GALNT11: variants seen among roughly 807,000 people sequenced by gnomAD.
The protein encoded by GALNT11 is polypeptide N-acetylgalactosaminyltransferase 11, also known as UDP-GalNAc:polypeptide N-acetylgalactosaminyltransferase 11.
Under a neutral mutation model 72.7 loss-of-function variants are expected in GALNT11, and 47 were observed. The ratio of observed to expected loss-of-function variants is 0.65; its 90% CI spans 0.51 to 0.82. GALNT11 has a LOEUF of 0.82. GALNT11 is among the 40% of genes least tolerant of loss of function. GALNT11 has a pLI of 0.00. For missense variants in GALNT11, 677 were observed against 778.4 expected, an observed-to-expected ratio of 0.87 and a Z score of 1.55; for synonymous variants, 270 against 286.6, an observed-to-expected ratio of 0.94 and a Z score of 0.58.
chr7:152,103,026 G>A (rs1587381006), intron 3 of GALNT11, 86 bp from the exon 4 acceptor site: 1 of 1,256,384 alleles, frequency 8.0e-7, no homozygotes, highest in Non-Finnish European at 1.1e-6. Context: ...GGGTGAACAA[G>A]GGGACAGTAA....
chr7:152,057,709 T>C (rs1205185056), intron 1 of GALNT11, among the ~76,000 whole-genome samples: 2 of 152,152 alleles, frequency 1.3e-5, no homozygotes, highest in Non-Finnish European at 2.9e-5. Flanking sequence ...TACAGAATAT[T>C]GTGAAGATAG....
In GALNT11 at chr7:152,094,430, A is replaced by C. The variant is rs770670427; in HGVS notation, c.203A>C (p.Glu68Ala). ...RFTRGPSRVL[E>A]PQFKANKIDD... ...ACTCGAGGCCCAAGTCGAGTGCTCG[A>C]GCCACAGTTCAAAGCAAACAAAATT... is the stretch of plus-strand genomic sequence containing the variant. The change falls in exon 2 of 12, where the codon GAG (glutamate) becomes GCG (alanine). Residue 68 changes from glutamate (E) to alanine (A), a missense_variant. Physicochemically the swap from Glu to Ala is moderately radical, Grantham distance 107. Transcript: ENST00000430044. This position sits in a 1 kb window ranked among gnomAD's most constrained non-coding sequence, Gnocchi z 4.3. 1.9e-6 allele frequency: 3 copies of C among 1,614,200 alleles called. No homozygotes were observed. In the East Asian group the frequency reaches 6.7e-5, roughly 36 times the overall value.
chr7:152,097,451 A>G (rs1269941597), intron 2 of GALNT11, among the ~76,000 whole-genome samples: 2 of 152,238 alleles, frequency 1.3e-5, no homozygotes, highest in African/African-American at 2.4e-5. Context: ...CAGTTCCTCC[A>G]TAAATTAAAC....
chr7:152,044,926 G>A (rs572375577), intron 1 of GALNT11, among the ~76,000 whole-genome samples: 53 of 151,742 alleles, frequency 3.5e-4, no homozygotes, highest in African/African-American at 1.3e-3. Context: ...TGGGTTTATT[G>A]TATATGGCTT....
intron 2 of GALNT11, among the ~76,000 whole-genome samples, chr7:152,097,003 T>C (rs2129041698): frequency 1.3e-5 from 2 of 152,242 alleles, no homozygotes; most frequent in South Asian, 4.1e-4. Flanking sequence ...AATTTTTGTA[T>C]ATTTTGTAGA....
chr7:152,073,055 G>A lies in GALNT11; in HGVS notation c.-38-21135G>A, dbSNP rs550461178. Among the ~76,000 whole-genome samples the A allele has an allele frequency of 2.0e-5, 3 of 152,166 alleles. 1 individual carries two copies. Among genetic ancestry groups the A allele is most frequent in the Admixed American group, 2.0e-4 (3 of 15,280 alleles). ...GCATATAATTGTGTATATTTATGGG[G>A]TACATAGTGATGTTTCTATATACGT... On this transcript the variant is annotated intron_variant, in intron 1 of 11. Coordinates refer to ENST00000430044, the MANE Select transcript of GALNT11 (RefSeq NM_022087.4).
At chr7:152,090,649 C>T (rs1236312520) in intron 1 of GALNT11, among the ~76,000 whole-genome samples, 1 of 143,744 alleles carries the variant, frequency 7.0e-6, no homozygotes, top group Non-Finnish European at 1.5e-5. Flanking sequence ...TTCCCCCACC[C>T]CCCCACCCCA....
chr7:152,040,640 TA>T (rs34592716), intron 1 of GALNT11, among the ~76,000 whole-genome samples: 7,864 of 152,162 alleles, frequency 0.052, 344 homozygotes, highest in East Asian at 0.2. Flanking sequence ...ATTGGGTAAA[TA>T]AAGTAATCAG....
chr7:152,117,078 G>A (rs2088939681), intron 8 of GALNT11, 79 bp from the exon 9 acceptor site: 5 of 1,255,122 alleles, frequency 4.0e-6, no homozygotes, highest in Non-Finnish European at 5.6e-6. Context: ...ACTTAATCGT[G>A]TAAAAAATCT....
At chr7:152,063,907 G>A (rs2084159024) in intron 1 of GALNT11, among the ~76,000 whole-genome samples, 1 of 152,124 alleles carries the variant, frequency 6.6e-6, no homozygotes, top group Non-Finnish European at 1.5e-5. Flanking sequence ...TGGAATAAGT[G>A]TGATGTGCTG....
chr7:152,052,905 C>A (rs1310774060), intron 1 of GALNT11, among the ~76,000 whole-genome samples: 1 of 152,158 alleles, frequency 6.6e-6, no homozygotes, highest in Non-Finnish European at 1.5e-5. Context: ...CTCTCAAGCC[C>A]ATTCTCTCCG....
intron 1 of GALNT11, among the ~76,000 whole-genome samples, chr7:152,038,132 G>A (rs1026501836): frequency 5.9e-5 from 9 of 152,198 alleles, no homozygotes; most frequent in African/African-American, 1.7e-4. Flanking sequence ...ATTCACTGCC[G>A]AGACCAGCTG....
chr7:152,026,054 AGAC>A (rs1404503364), intron 1 of GALNT11, among the ~76,000 whole-genome samples, 170 bp downstream of exon 1: 2 of 151,700 alleles, frequency 1.3e-5, no homozygotes, highest in Non-Finnish European at 2.9e-5. Context: ...TGTCTCCGGG[AGAC>A]GCCGCTGCCC....
Position 152,117,335 on chromosome 7 carries a change from A to G in GALNT11, c.1412A>G (p.Asn471Ser), listed in dbSNP as rs545400804. ...AAACCCCAACAACCCATTTTTGTCAATAGAGGGCCAAAACGACCCAAAGTC... is the reference window on the plus strand; with the variant it reads ...AAACCCCAACAACCCATTTTTGTCAGTAGAGGGCCAAAACGACCCAAAGTC... ...HAKPQQPIFV[N>S]RGPKRPKVLQ... is the part of the protein sequence containing the mutation. Residue 471 changes from asparagine to serine, a missense_variant, in exon 9 of 12, where the codon AAT (asparagine) becomes AGT (serine). Physicochemically the swap from Asn to Ser is conservative, Grantham distance 46 (BLOSUM62 1). Transcript: ENST00000430044. The G allele has an allele frequency of 5.0e-6, 8 of 1,614,196 alleles. No homozygotes were observed. In the African/African-American group the frequency reaches 8.0e-5, roughly 16 times the overall value.
intron 1 of GALNT11, among the ~76,000 whole-genome samples, chr7:152,082,940 C>T (rs928713544): frequency 6.6e-6 from 1 of 152,080 alleles, no homozygotes; most frequent in African/African-American, 2.4e-5. Flanking sequence ...ATTTGTGTTT[C>T]TGTTCTGTGA....
intron 5 of GALNT11, among the ~76,000 whole-genome samples, chr7:152,105,792 GGAGCCA>G (rs1380719970): frequency 9.9e-5 from 15 of 152,170 alleles, no homozygotes; most frequent in African/African-American, 3.6e-4. Context: ...GCATCCCTCT[GGAGCCA>G]CACATCATGA....
intron 9 of GALNT11, chr7:152,117,752 A>C: frequency 4.4e-6 from 1 of 225,526 alleles, no homozygotes. Context: ...TGGGAACCAA[A>C]TCACAGAGCA....
intron 8 of GALNT11, among the ~76,000 whole-genome samples, chr7:152,115,935 A>G (rs938631366): frequency 2.0e-5 from 3 of 152,148 alleles, no homozygotes; most frequent in Admixed American, 1.3e-4. Context: ...GCATGCCTGT[A>G]GTTCCAGCTA....
At chr7:152,039,366 A>G (rs1377278252) in intron 1 of GALNT11, among the ~76,000 whole-genome samples, 2 of 152,210 alleles carry the variant, frequency 1.3e-5, no homozygotes, top group African/African-American at 4.8e-5. Flanking sequence ...GAGATCAGAA[A>G]GCATGTGTAA....
Sources: allele counts gnomAD v4.1 joint callset (sites outside exome capture counted in the v4.1 genomes callset), GRCh38; gene constraint gnomAD v4.1.1; non-coding constraint Gnocchi (gnomAD v3.1); transcripts MANE v1.5; gene names NCBI Gene and HGNC (gene_info 2026-07-23, HGNC 2026-07-21).